CWF19L2: variants seen among roughly 807,000 people sequenced by gnomAD.
CWF19L2 encodes the protein CWF19 like cell cycle control factor 2.
In CWF19L2, 98 loss-of-function variants were observed where a neutral mutation model predicts 111.7. The ratio of observed to expected loss-of-function variants is 0.88; its 90% CI spans 0.75 to 1.04. The LOEUF (loss-of-function observed/expected upper bound fraction) is 1.04, where lower values mean the gene tolerates loss of function less well. CWF19L2 is among the 50% of genes least tolerant of loss of function. The probability of loss-of-function intolerance (pLI) is 0.00; values close to 1 mark genes in which losing one functional copy is unlikely to be tolerated. For missense variants in CWF19L2, 1,101 were observed against 1,051.4 expected (o/e 1.05, Z -0.65); for synonymous variants, 351 against 342.9 (o/e 1.02, Z -0.26).
chr11:107,372,818 C>T (rs929363671), intron 12 of CWF19L2, among the ~76,000 whole-genome samples: 1 of 131,002 alleles, frequency 7.6e-6, no homozygotes, highest in Non-Finnish European at 1.6e-5. Context: ...CCAGCGTGAG[C>T]GACGCAGAAG....
chr11:107,439,224 A>G (rs943489011), intron 5 of CWF19L2, 41 bp from the exon 6 acceptor site: 2 of 1,165,158 alleles, frequency 1.7e-6, no homozygotes, highest in African/African-American at 3.1e-5. Context: ...TCAAAAAATT[A>G]ACAAATTATA....
chr11:107,371,794 C>A (rs1423419013), intron 12 of CWF19L2, among the ~76,000 whole-genome samples: 1 of 136,638 alleles, frequency 7.3e-6, no homozygotes, highest in Non-Finnish European at 1.6e-5. Context: ...ATTGCTGTCA[C>A]CATTCTGACA....
chr11:107,394,492 G>A (rs1860894031), intron 10 of CWF19L2, among the ~76,000 whole-genome samples: 1 of 152,060 alleles, frequency 6.6e-6, no homozygotes, highest in African/African-American at 2.4e-5. Flanking sequence ...ATTTGGTTCT[G>A]TTTATTACAT....
At chr11:107,381,146 A>G (rs78380249) in intron 12 of CWF19L2, among the ~76,000 whole-genome samples, 1,828 of 152,258 alleles carry the variant, frequency 0.012, 40 homozygotes, top group African/African-American at 0.042. Context: ...TGTTCTGGAA[A>G]TGGATAGTGG....
intron 3 of CWF19L2, among the ~76,000 whole-genome samples, chr11:107,450,005 A>G (rs1861755751): frequency 6.6e-6 from 1 of 152,126 alleles, no homozygotes; most frequent in Admixed American, 6.5e-5. Flanking sequence ...AACAGATTAG[A>G]GAGCACAAAA....
intron 11 of CWF19L2, among the ~76,000 whole-genome samples, chr11:107,391,929 C>T (rs1860854217): frequency 6.6e-6 from 1 of 152,110 alleles, no homozygotes; most frequent in Admixed American, 6.5e-5. Context: ...ACCTAGATTG[C>T]TCAGTAATAT....
intron 11 of CWF19L2, among the ~76,000 whole-genome samples, chr11:107,391,071 G>A (rs770353481): frequency 5.9e-5 from 9 of 152,058 alleles, no homozygotes; most frequent in Non-Finnish European, 1.2e-4. Flanking sequence ...AGGGATTCTC[G>A]GGCCTTCAGC....
chr11:107,341,599 G>A (rs1860005524), intron 14 of CWF19L2, among the ~76,000 whole-genome samples: 1 of 152,116 alleles, frequency 6.6e-6, no homozygotes, highest in Non-Finnish European at 1.5e-5. Context: ...ACGGTATCAG[G>A]ATAATACAAA....
intron 12 of CWF19L2, among the ~76,000 whole-genome samples, chr11:107,378,942 T>G (rs1860639669): frequency 6.6e-6 from 1 of 152,202 alleles, no homozygotes; most frequent in African/African-American, 2.4e-5. Flanking sequence ...AGACTGGATG[T>G]GGAGAACAAA....
chr11:107,354,424 T>C lies in CWF19L2; in HGVS notation c.1873-688A>G, dbSNP rs144316073. On this transcript the variant is annotated intron_variant, in intron 12 of 17. Transcript: ENST00000282251. ...ATTTAATTTCTCTGTGCTCTCTCTA[T>C]GCCTTATTTCCTCATTTTACAATGG... 2.2e-3 allele frequency among the ~76,000 whole-genome samples: 338 copies of C among 152,336 alleles called. 2 individuals carry two copies. Among genetic ancestry groups the C allele is most frequent in the Middle Eastern group, 6.8e-3 (2 of 294 alleles).
intron 10 of CWF19L2, among the ~76,000 whole-genome samples, chr11:107,411,088 TGC>T (rs936656963): frequency 3.9e-4 from 19 of 48,824 alleles, no homozygotes; most frequent in Non-Finnish European, 5.2e-4. Context: ...CGCGCGTGCG[TGC>T]ACACACACAC....
chr11:107,422,996 A>G (rs767470522), intron 8 of CWF19L2, among the ~76,000 whole-genome samples: 9 of 152,112 alleles, frequency 5.9e-5, no homozygotes, highest in Non-Finnish European at 1.0e-4. Flanking sequence ...CATTCCCCTC[A>G]TATTATTTCA....
In CWF19L2 at chr11:107,452,416, G is replaced by T. The variant is rs115479930; in HGVS notation, c.339+2034C>A. Among the ~76,000 whole-genome samples, 466 of 152,018 alleles carry T rather than the reference G, an allele frequency of 3.1e-3. 3 individuals are homozygous for T. Among genetic ancestry groups the T allele is most frequent in the African/African-American group, 0.011 (445 of 41,484 alleles). ...ATGGAAAAAAAATAACAAACGACAT[G>T]TAAGATCTCTACACTAAAAATTTCA... On this transcript the variant is annotated intron_variant, in intron 3 of 17. Transcript: ENST00000282251.
intron 10 of CWF19L2, among the ~76,000 whole-genome samples, chr11:107,404,967 T>C (rs1381585929): frequency 6.6e-6 from 1 of 152,192 alleles, no homozygotes; most frequent in Non-Finnish European, 1.5e-5. Context: ...AAGTTCCCAA[T>C]TTGCCATCAC....
intron 14 of CWF19L2, among the ~76,000 whole-genome samples, chr11:107,343,363 T>C (rs1428185467): frequency 6.6e-6 from 1 of 152,214 alleles, no homozygotes; most frequent in East Asian, 1.9e-4. Context: ...CATTATGTAA[T>C]GCCCCTCTCT....
In CWF19L2 at chr11:107,372,771, A is replaced by G. The variant is rs1013964164; in HGVS notation, c.1872+17303T>C. 8.3e-5 allele frequency among the ~76,000 whole-genome samples: 11 copies of G among 132,944 alleles called. 3 individuals carry two copies. Among genetic ancestry groups the G allele is most frequent in the Non-Finnish European group, 7.9e-5 (5 of 63,152 alleles). 87.2% of individuals were successfully genotyped at this position (132,944 alleles called of 152,430 possible). On this transcript the variant is annotated intron_variant, in intron 12 of 17. Coordinates refer to ENST00000282251, the MANE Select transcript of CWF19L2 (RefSeq NM_152434.3). ...AACAAAGATAGCGGGTTGAGGAGCC[A>G]AGATGGCCAAATAGGAACTGCTCCG...
At chr11:107,420,198 T>C (rs1287960419) in intron 8 of CWF19L2, among the ~76,000 whole-genome samples, 1 of 152,042 alleles carries the variant, frequency 6.6e-6, no homozygotes, top group African/African-American at 2.4e-5. Flanking sequence ...ACATTATATA[T>C]AAATGGTCCA....
chr11:107,447,417 G>A (rs1172276030), intron 3 of CWF19L2, among the ~76,000 whole-genome samples: 1 of 152,102 alleles, frequency 6.6e-6, no homozygotes. Context: ...AATTACCATG[G>A]AGAAAACAAT....
chr11:107,360,425 G>C (rs1860309210), intron 12 of CWF19L2, among the ~76,000 whole-genome samples: 1 of 152,160 alleles, frequency 6.6e-6, no homozygotes, highest in African/African-American at 2.4e-5. Context: ...TTAATCTTGT[G>C]AACACTGCCA....
Sources: allele counts gnomAD v4.1 joint callset (sites outside exome capture counted in the v4.1 genomes callset), GRCh38; gene constraint gnomAD v4.1.1; transcripts MANE v1.5; gene names NCBI Gene and HGNC (gene_info 2026-07-23, HGNC 2026-07-21).